CTIF: variants seen among roughly 807,000 people sequenced by gnomAD.
CTIF encodes CBP80/20-dependent translation initiation factor.
CTIF carries 21 observed loss-of-function variants against 66.0 expected under a neutral mutation model. The ratio of observed to expected loss-of-function variants is 0.32; its 90% CI spans 0.23 to 0.46. The LOEUF is 0.46. CTIF is among the 20% of genes least tolerant of loss of function. The pLI, the probability that CTIF is intolerant of heterozygous loss-of-function variation, is 1.00. For synonymous variants in CTIF, 345 were observed against 326.4 expected (o/e 1.06, Z -0.62); for missense variants, 739 against 812.7 (o/e 0.91, Z 1.10).
At chr18:48,678,989 C>G (rs2091693494) in intron 6 of CTIF, among the ~76,000 whole-genome samples, 1 of 152,224 alleles carries the variant, frequency 6.6e-6, no homozygotes, top group African/African-American at 2.4e-5. Flanking sequence ...GCATTTGTGC[C>G]ACAGCCACTT....
chr18:48,757,793 G>A, intron 7 of CTIF, 126 bp from the exon 8 acceptor site: 2 of 1,292,338 alleles, frequency 1.5e-6, no homozygotes, highest in Non-Finnish European at 2.1e-6. Flanking sequence ...AGGTGCTCAG[G>A]AAGTGTTTGT....
chr18:48,736,869 C>A (rs1056323462), intron 7 of CTIF, among the ~76,000 whole-genome samples: 1 of 152,130 alleles, frequency 6.6e-6, no homozygotes, highest in Non-Finnish European at 1.5e-5. Flanking sequence ...GAGCAGTCAC[C>A]CCTCTGTCAC....
chr18:48,687,257 A>G (rs1328092991), intron 6 of CTIF, among the ~76,000 whole-genome samples: 1 of 150,356 alleles, frequency 6.7e-6, no homozygotes, highest in African/African-American at 2.5e-5. Context: ...CCTGAATGCC[A>G]GTACATAGAT....
intron 9 of CTIF, among the ~76,000 whole-genome samples, chr18:48,778,889 C>CA (rs1320315429): frequency 6.6e-6 from 1 of 152,162 alleles, no homozygotes; most frequent in African/African-American, 2.4e-5. Context: ...CCCAGAATGA[C>CA]AGTTTGTTTC....
At chr18:48,660,424 G>C (rs190496170) in intron 3 of CTIF, among the ~76,000 whole-genome samples, 1 of 152,216 alleles carries the variant, frequency 6.6e-6, no homozygotes, top group African/African-American at 2.4e-5. Flanking sequence ...GCAGATGCAC[G>C]GAAGGGTGGG....
At chr18:48,786,085 T>A (rs1484716735) in intron 9 of CTIF, among the ~76,000 whole-genome samples, 3 of 152,066 alleles carry the variant, frequency 2.0e-5, no homozygotes, top group South Asian at 4.1e-4. Context: ...TTTGCAGGGC[T>A]GGATATACCT....
intron 3 of CTIF, among the ~76,000 whole-genome samples, chr18:48,641,150 T>C (rs765283478): frequency 6.6e-6 from 1 of 152,222 alleles, no homozygotes; most frequent in Non-Finnish European, 1.5e-5. Context: ...ATTGTTGAAA[T>C]GAGAGACTGC....
Position 48,567,199 on chromosome 18 carries a change from G to A in CTIF, c.-29+27887G>A, listed in dbSNP as rs923620778. On this transcript the variant is annotated intron_variant, in intron 1 of 11. Coordinates refer to ENST00000256413, the MANE Select transcript of CTIF (RefSeq NM_014772.3). Reference sequence around the variant, plus strand: ...TTAAATATTAACTCCTGGAGTTCACGTAGGCATCGTGACAGAGGCACAGGG... The same window carrying A: ...TTAAATATTAACTCCTGGAGTTCACATAGGCATCGTGACAGAGGCACAGGG... 2.6e-5 allele frequency: 4 copies of A among 152,156 alleles called. No individual in the cohort carries two copies. The East Asian group carries it at 7.7e-4, about 29-fold the overall frequency. The allele number at this position is 152,156 out of a possible 1,614,324, so 9.4% of individuals were successfully genotyped here. A position where few individuals can be genotyped will look rare whatever the true frequency, so the allele number is the denominator to read the frequency against.
chr18:48,723,641 G>T (rs1407996470), intron 7 of CTIF, among the ~76,000 whole-genome samples: 1 of 152,142 alleles, frequency 6.6e-6, no homozygotes, highest in Non-Finnish European at 1.5e-5. Context: ...CCAGCTGTTG[G>T]CTCCCCTGAC....
intron 6 of CTIF, among the ~76,000 whole-genome samples, chr18:48,702,021 C>T (rs943294006): frequency 1.3e-5 from 2 of 152,090 alleles, no homozygotes; most frequent in African/African-American, 4.8e-5. Flanking sequence ...AATAGTGTGG[C>T]AAAGGAGGTA....
chr18:48,847,180 T>C (rs8093016), intron 10 of CTIF, among the ~76,000 whole-genome samples: 63,844 of 151,396 alleles, frequency 0.42, 16,235 homozygotes, highest in African/African-American at 0.72. Flanking sequence ...TGGTGGTGCG[T>C]GCCTGTAGTC....
At chr18:48,823,476 G>A (rs1018955773) in intron 10 of CTIF, among the ~76,000 whole-genome samples, 3 of 152,208 alleles carry the variant, frequency 2.0e-5, no homozygotes, top group African/African-American at 7.2e-5. Flanking sequence ...GACTGTAAAT[G>A]TGTGGATTTA....
At chr18:48,569,469 AC>A (rs1481158994) in intron 1 of CTIF, among the ~76,000 whole-genome samples, 3 of 152,090 alleles carry the variant, frequency 2.0e-5, no homozygotes, top group Non-Finnish European at 4.4e-5. Flanking sequence ...TGAAAAAAAA[AC>A]AAAAAAACAA....
At chr18:48,852,505 G>A (rs1202537883) in intron 10 of CTIF, among the ~76,000 whole-genome samples, 3 of 152,016 alleles carry the variant, frequency 2.0e-5, no homozygotes, top group Non-Finnish European at 2.9e-5. Flanking sequence ...TCTTTATCCC[G>A]GCCTCTTGGG....
intron 7 of CTIF, among the ~76,000 whole-genome samples, chr18:48,721,237 A>G (rs1474436516): frequency 6.6e-6 from 1 of 152,228 alleles, no homozygotes; most frequent in Non-Finnish European, 1.5e-5. Flanking sequence ...GTAGGGGCAC[A>G]TGTCTAGTTA....
At chr18:48,774,774 G>A (rs996595950) in intron 9 of CTIF, among the ~76,000 whole-genome samples, 1 of 152,146 alleles carries the variant, frequency 6.6e-6, no homozygotes, top group Non-Finnish European at 1.5e-5. Context: ...GTTTTCCGTA[G>A]AGCAAAGGCC....
At chr18:48,677,205 C>T (rs184173315) in intron 6 of CTIF, among the ~76,000 whole-genome samples, 17 of 152,314 alleles carry the variant, frequency 1.1e-4, no homozygotes, top group African/African-American at 3.8e-4. Context: ...GGAGCAGAGT[C>T]CTGAAAACCA....
chr18:48,585,652 T>A (rs912281562), intron 1 of CTIF, among the ~76,000 whole-genome samples: 2 of 152,194 alleles, frequency 1.3e-5, no homozygotes, highest in Non-Finnish European at 2.9e-5. Context: ...GACATGAAGC[T>A]GTGGACAGGG....
intron 3 of CTIF, among the ~76,000 whole-genome samples, chr18:48,655,029 G>A (rs990648663): frequency 1.3e-5 from 2 of 151,974 alleles, no homozygotes; most frequent in Non-Finnish European, 1.5e-5. Flanking sequence ...CGTAAATGAC[G>A]AGTTAATGGG....
Sources: allele counts gnomAD v4.1 joint callset (sites outside exome capture counted in the v4.1 genomes callset), GRCh38; gene constraint gnomAD v4.1.1; transcripts MANE v1.5; gene names NCBI Gene and HGNC (gene_info 2026-07-23, HGNC 2026-07-21).